WDR47: variants seen among roughly 807,000 people sequenced by gnomAD.
WDR47 encodes WD repeat-containing protein 47.
In WDR47, 32 loss-of-function variants were observed where a neutral mutation model predicts 97.2. The ratio of observed to expected loss-of-function variants is 0.33; its 90% CI spans 0.25 to 0.44. The LOEUF (loss-of-function observed/expected upper bound fraction) is 0.44, where lower values mean the gene tolerates loss of function less well. Among genes scored for constraint, WDR47 ranks in the 20% least tolerant of loss-of-function variants. WDR47 has a pLI of 1.00. For synonymous variants in WDR47, 375 were observed against 373.5 expected (o/e 1.00, Z -0.05); for missense variants, 782 against 1,102.3 (o/e 0.71, Z 4.11).
At chr1:109,020,728 C>T (rs1661771828) in intron 2 of WDR47, among the ~76,000 whole-genome samples, 1 of 152,116 alleles carries the variant, frequency 6.6e-6, no homozygotes, top group African/African-American at 2.4e-5. Flanking sequence ...AAATACTACA[C>T]TATTAACTAA....
chr1:109,002,116 C>G, intron 7 of WDR47, 108 bp downstream of exon 7: 1 of 1,259,968 alleles, frequency 7.9e-7, no homozygotes. Flanking sequence ...ACTTCAAATG[C>G]GTAAAAAGCC....
At chr1:109,020,833 CTGTTAT>C (rs909134585) in intron 2 of WDR47, among the ~76,000 whole-genome samples, 9 of 151,392 alleles carry the variant, frequency 5.9e-5, no homozygotes, top group African/African-American at 2.2e-4. Flanking sequence ...TTTGTTATTG[CTGTTAT>C]TGTTGTTGTT....
intron 6 of WDR47, among the ~76,000 whole-genome samples, chr1:109,003,188 TC>T (rs1192352465): frequency 6.6e-6 from 1 of 152,168 alleles, no homozygotes; most frequent in African/African-American, 2.4e-5. Flanking sequence ...ATTGTTCAAG[TC>T]CTCTATATCC....
chr1:108,999,411 T>C (rs1660007622), intron 7 of WDR47, among the ~76,000 whole-genome samples: 1 of 151,760 alleles, frequency 6.6e-6, no homozygotes, highest in African/African-American at 2.4e-5. Flanking sequence ...CAAGACAGAA[T>C]TTAAATTCTA....
At position 108,995,779 on chromosome 1, in the gene WDR47, A is replaced by G; in HGVS notation, c.1492T>C (p.Ser498Pro). 1 of 1,614,158 alleles carries G rather than the reference A, an allele frequency of 6.2e-7. No individual in the cohort carries two copies. The highest frequency in any genetic ancestry group is 8.5e-7 in the Non-Finnish European group (1 of 1,180,020). Residue 498 changes from serine to proline, a missense_variant, in exon 8 of 15, where the codon TCA becomes CCA. By Grantham distance (74) the Ser-to-Pro change is moderately conservative. Transcript: ENST00000369962. ...CCATTACATTGCTGGTTGAGTGCTG[A>G]TACCTCATTACCAAGGCCATCCATT... ...IGMDGLGNEV[S>P]ALNQQCNGSK... is the part of the protein sequence containing the mutation.
chr1:108,991,252 AC>A lies in WDR47; in HGVS notation c.1767+1del. The A allele has an allele frequency of 1.2e-6, 2 of 1,611,304 alleles. No individual in the cohort carries two copies. Among genetic ancestry groups the A allele is most frequent in the Non-Finnish European group, 1.7e-6 (2 of 1,178,258 alleles). ...ATAAAACTTCCTTCCCCAAAGTATT[AC>A]CTCTTCCCCTTTCGACCTTGAAAGA... On this transcript the variant is annotated splice_donor_variant, in intron 9 of 14. Coordinates refer to ENST00000369962, the MANE Select transcript of WDR47 (RefSeq NM_001142551.2). LOFTEE classifies it high-confidence loss of function.
chr1:109,036,382 G>A (rs1206260256), intron 1 of WDR47, among the ~76,000 whole-genome samples: 3 of 151,790 alleles, frequency 2.0e-5, no homozygotes, highest in African/African-American at 7.3e-5. Flanking sequence ...GACCATCCTG[G>A]CCAACATGGT....
chr1:109,028,361 G>GTTTTTTTTT (rs1414813690), intron 1 of WDR47, among the ~76,000 whole-genome samples: 2 of 27,616 alleles, frequency 7.2e-5, no homozygotes, highest in African/African-American at 1.1e-4. Flanking sequence ...ATTTTTGTTG[G>GTTTTTTTTT]GTTTTTTTTT....
intron 1 of WDR47, chr1:109,030,453 GA>G (rs1388769190): frequency 1.9e-5 from 6 of 310,098 alleles, no homozygotes; most frequent in East Asian, 5.3e-5. Context: ...CATTATGAAG[GA>G]AAAAAAACAC....
At chr1:109,017,378 G>C (rs1034989144) in intron 3 of WDR47, 140 bp downstream of exon 3, 6 of 695,676 alleles carry the variant, frequency 8.6e-6, no homozygotes, top group African/African-American at 7.3e-5. Context: ...ACTCCAGCTT[G>C]GGTGACAGAG....
chr1:108,974,848 T>G, intron 13 of WDR47, 94 bp from the exon 14 acceptor site: 1 of 901,508 alleles, frequency 1.1e-6, no homozygotes, highest in South Asian at 1.6e-5. Context: ...ATACTAAAGA[T>G]TTAATGTAGT....
intron 7 of WDR47, among the ~76,000 whole-genome samples, chr1:108,998,217 T>C (rs1397074042): frequency 6.6e-6 from 1 of 152,134 alleles, no homozygotes; most frequent in Non-Finnish European, 1.5e-5. Flanking sequence ...AAAATGCTAA[T>C]ACAGGCCAGG....
At chr1:108,980,369 T>C (rs896413128) in intron 13 of WDR47, among the ~76,000 whole-genome samples, 22 of 152,090 alleles carry the variant, frequency 1.4e-4, no homozygotes, top group Non-Finnish European at 2.6e-4. Flanking sequence ...ACTAAAAATT[T>C]AGAATACAAG....
In WDR47 at chr1:109,029,696, TAAA is replaced by T. The variant is rs1662477862; in HGVS notation, c.-9-6178_-9-6176del. On this transcript the variant is annotated intron_variant, in intron 1 of 14. Transcript: ENST00000369962. ...CTAAATAAATAAATAAATAAATAAA[TAAA>T]TAAATAAATAAATATTTTTTTAAAA... Among the ~76,000 whole-genome samples, 3 of 144,850 alleles carry T rather than the reference TAAA, an allele frequency of 2.1e-5. No individual in the cohort carries two copies. The Admixed American group carries it at 2.1e-4, about 10-fold the overall frequency.
chr1:109,018,613 G>A (rs896308092), intron 2 of WDR47, among the ~76,000 whole-genome samples: 2 of 151,972 alleles, frequency 1.3e-5, no homozygotes, highest in Non-Finnish European at 2.9e-5. Context: ...TCAGGAGTTC[G>A]AAACCAGCCT....
At chr1:108,978,059 G>C (rs1217093148) in intron 13 of WDR47, among the ~76,000 whole-genome samples, 2 of 150,542 alleles carry the variant, frequency 1.3e-5, no homozygotes, top group African/African-American at 2.4e-5. Context: ...AACTATACTT[G>C]AACAGTTCCA....
chr1:109,017,668 AG>A (rs1418511340), intron 2 of WDR47, 67 bp from the exon 3 acceptor site: 10 of 1,235,284 alleles, frequency 8.1e-6, no homozygotes, highest in African/African-American at 1.5e-5. Flanking sequence ...AAAGCAGAAC[AG>A]ATGACAAAAC....
At chr1:109,037,582 G>C (rs1173269542) in intron 1 of WDR47, among the ~76,000 whole-genome samples, 1 of 136,118 alleles carries the variant, frequency 7.3e-6, no homozygotes, top group African/African-American at 2.8e-5. Context: ...AGCTGAGATC[G>C]CACCACTGCA....
At chr1:108,986,762 T>G (rs551653507) in intron 9 of WDR47, 82 bp from the exon 10 acceptor site, 2 of 1,203,064 alleles carry the variant, frequency 1.7e-6, no homozygotes, top group Non-Finnish European at 2.3e-6. Flanking sequence ...TAAATTCATT[T>G]GAACTTTATT....
Sources: allele counts gnomAD v4.1 joint callset (sites outside exome capture counted in the v4.1 genomes callset), GRCh38; gene constraint gnomAD v4.1.1; transcripts MANE v1.5; gene names NCBI Gene and HGNC (gene_info 2026-07-23, HGNC 2026-07-21).